Variants in EML4 observed in about 807,000 individuals in gnomAD.
The protein encoded by EML4 is echinoderm microtubule-associated protein-like 4.
Under a neutral mutation model 129.0 loss-of-function variants are expected in EML4, and 72 were observed. That is an observed-to-expected ratio of 0.56 (90% confidence interval 0.46 to 0.68). The LOEUF (loss-of-function observed/expected upper bound fraction) is 0.68. Ranked by LOEUF, EML4 falls within the 30% of genes least tolerant of loss-of-function variation. The pLI is 0.00. For missense variants in EML4, 1,363 were observed against 1,190.6 expected, an observed-to-expected ratio of 1.14 and a Z score of -2.13; for synonymous variants, 532 against 405.0, an observed-to-expected ratio of 1.31 and a Z score of -3.77.
At chr2:42,236,172 T>A (rs2104237154) in intron 1 of EML4, among the ~76,000 whole-genome samples, 1 of 152,358 alleles carries the variant, frequency 6.6e-6, no homozygotes, top group South Asian at 2.1e-4. Context: ...TACTTTTGTA[T>A]GTTTTTGAAC....
At chr2:42,170,333 G>A (rs2103770265) in intron 1 of EML4, 1 of 152,394 alleles carries the variant, frequency 6.6e-6, no homozygotes, top group East Asian at 1.9e-4. Flanking sequence ...CCCTCTTTAA[G>A]AGTGAAAGCA....
At chr2:42,272,293 C>T (rs796524669) in intron 6 of EML4, among the ~76,000 whole-genome samples, 6 of 152,256 alleles carry the variant, frequency 3.9e-5, no homozygotes, top group African/African-American at 1.4e-4. Context: ...CCCTGAACTA[C>T]ACTCACAATT....
intron 1 of EML4, among the ~76,000 whole-genome samples, chr2:42,191,036 T>TA (rs1389892637): frequency 6.6e-6 from 1 of 152,228 alleles, no homozygotes; most frequent in Non-Finnish European, 1.5e-5. Flanking sequence ...AGTCATATCT[T>TA]ACATTGAATT....
intron 2 of EML4, among the ~76,000 whole-genome samples, chr2:42,251,282 T>G (rs532765469): frequency 1.3e-4 from 20 of 152,272 alleles, no homozygotes; most frequent in South Asian, 4.1e-4. Context: ...ATGGTAAAAA[T>G]AGGGTATTAG....
intron 1 of EML4, among the ~76,000 whole-genome samples, chr2:42,205,221 T>G (rs1189032937): frequency 6.6e-6 from 1 of 152,188 alleles, no homozygotes; most frequent in Middle Eastern, 3.2e-3. Flanking sequence ...CTTGTAGAAT[T>G]TTAGTATAAG....
rs773927964 is a variant in EML4, at chr2:42,315,991, A to T, written c.1997A>T (p.Asp666Val). The change falls in exon 18 of 23, where the codon GAT becomes GTT. Residue 666 changes from aspartate to valine, a missense_variant. Physicochemically the swap from Asp to Val is radical, Grantham distance 152. Transcript: ENST00000318522. The part of the protein sequence containing the change: ...RWFVLDAETR[D>V]LVSIHTDGNE... ...TTTGTTCTGGATGCAGAAACCAGAG[A>T]TCTAGTTTCTATCCACACAGACGGG... 7.4e-6 allele frequency: 12 copies of T among 1,613,472 alleles called. No homozygotes were observed. The Admixed American group carries it at 1.3e-4, about 18-fold the overall frequency.
intron 1 of EML4, among the ~76,000 whole-genome samples, chr2:42,181,930 T>A (rs1247031466): frequency 2.6e-5 from 4 of 152,154 alleles, no homozygotes; most frequent in Admixed American, 2.6e-4. Flanking sequence ...AGGAATATAT[T>A]TATGTACATA....
intron 11 of EML4, among the ~76,000 whole-genome samples, chr2:42,294,001 A>G (rs756058335): frequency 6.6e-5 from 10 of 152,226 alleles, no homozygotes; most frequent in Non-Finnish European, 1.5e-4. Flanking sequence ...GTAAATAAAC[A>G]CTAGCTAATA....
intron 1 of EML4, among the ~76,000 whole-genome samples, chr2:42,189,833 AAG>A: frequency 6.6e-6 from 1 of 152,174 alleles, no homozygotes; most frequent in Non-Finnish European, 1.5e-5. Flanking sequence ...ATACTGAAGA[AAG>A]AGTGTTTTAT....
At position 42,329,870 on chromosome 2, in the gene EML4, T is replaced by G. The variant is rs762624589; in HGVS notation, c.2609T>G (p.Leu870Trp). The G allele has an allele frequency of 6.2e-7, 1 of 1,614,152 alleles. No individual in the cohort carries two copies. Among genetic ancestry groups the G allele is most frequent in the Non-Finnish European group, 8.5e-7 (1 of 1,180,022 alleles). ...IQWKLVEKLS[L>W]PQNETVADTT... The stretch of plus-strand genomic sequence containing the variant: ...TGGAAACTTGTGGAAAAGTTATCTT[T>G]GCCTCAGAATGAGACTGTAGCGGAT... Residue 870 changes from leucine to tryptophan, a missense_variant, in exon 23 of 23, where the codon TTG becomes TGG. Transcript: ENST00000318522.
chr2:42,261,910 C>T (rs1181283218), intron 4 of EML4, among the ~76,000 whole-genome samples: 1 of 152,104 alleles, frequency 6.6e-6, no homozygotes, highest in Non-Finnish European at 1.5e-5. Context: ...GAGAAATATT[C>T]TAACAATGTG....
intron 6 of EML4, among the ~76,000 whole-genome samples, chr2:42,272,679 A>T (rs1163900345): frequency 2.0e-5 from 3 of 152,222 alleles, no homozygotes; most frequent in Non-Finnish European, 2.9e-5. Context: ...TTTCTAGTTT[A>T]GATTTTTTTT....
intron 1 of EML4, among the ~76,000 whole-genome samples, chr2:42,197,666 A>G (rs1371394917): frequency 6.6e-6 from 1 of 152,162 alleles, no homozygotes; most frequent in African/African-American, 2.4e-5. Context: ...GGTAGTGAAT[A>G]TTTTATCTTA....
At position 42,195,116 on chromosome 2, in the gene EML4, A is replaced by AAC. The variant is rs552556696; in HGVS notation, c.25+25480_25+25481insAC. Among the ~76,000 whole-genome samples, 65 of 152,200 alleles carry AAC rather than the reference A, an allele frequency of 4.3e-4. 1 individual carries two copies. The highest frequency in any genetic ancestry group is 3.6e-3 in the Admixed American group (55 of 15,276). On this transcript the variant is annotated intron_variant, in intron 1 of 22. Coordinates refer to ENST00000318522, the MANE Select transcript of EML4 (RefSeq NM_019063.5). The stretch of plus-strand genomic sequence containing the variant: ...TTTTAGGTCAGAATTATGGGTTTAT[A>AAC]CCTTCGGGATCCAGTTAACTTGGCC...
Position 42,257,031 on chromosome 2 carries a change from A to G in EML4, c.338+401A>G, listed in dbSNP as rs911393733. On this transcript the variant is annotated intron_variant, in intron 3 of 22. Transcript: ENST00000318522. ...GATATATCTATGTTAGTGGGAGGTC[A>G]AATGCTATTATAACTTTTATTTTTT... 4.6e-5 allele frequency among the ~76,000 whole-genome samples: 7 copies of G among 152,224 alleles called. No homozygotes were observed. In the South Asian group the frequency reaches 1.4e-3, roughly 32 times the overall value.
At chr2:42,197,434 A>G (rs1671961174) in intron 1 of EML4, among the ~76,000 whole-genome samples, 1 of 152,200 alleles carries the variant, frequency 6.6e-6, no homozygotes, top group Non-Finnish European at 1.5e-5. Context: ...AGATATAGGC[A>G]ATAAAAATCA....
intron 6 of EML4, among the ~76,000 whole-genome samples, chr2:42,271,016 C>T (rs1389823636): frequency 1.3e-5 from 2 of 152,162 alleles, no homozygotes; most frequent in Admixed American, 1.3e-4. Context: ...CCATCTCAGC[C>T]CCCAGAGTAG....
intron 1 of EML4, among the ~76,000 whole-genome samples, chr2:42,243,558 T>G (rs752854154): frequency 6.6e-6 from 1 of 152,152 alleles, no homozygotes; most frequent in East Asian, 1.9e-4. Flanking sequence ...AAATTAATGC[T>G]CAAAGAACTT....
At chr2:42,274,262 T>A (rs972023442) in intron 6 of EML4, among the ~76,000 whole-genome samples, 11 of 152,158 alleles carry the variant, frequency 7.2e-5, no homozygotes, top group African/African-American at 2.7e-4. Flanking sequence ...TTCTAAAGAT[T>A]GTAAAATACA....
Sources: gnomAD v4.1 joint callset for allele counts (sites outside exome capture counted in the v4.1 genomes callset) on GRCh38, gnomAD v4.1.1 for gene constraint, MANE v1.5 for transcripts, NCBI Gene and HGNC (gene_info 2026-07-23, HGNC 2026-07-21) for gene names.